The following SUMF1 variants were observed in gnomAD, a reference collection of about 807,000 sequenced individuals.
The protein encoded by SUMF1 is sulfatase modifying factor 1, also known as formylglycine-generating enzyme.
SUMF1 carries 48 observed loss-of-function variants against 47.6 expected under a neutral mutation model. That is an observed-to-expected ratio of 1.01 (90% CI 0.80 to 1.28). The LOEUF (loss-of-function observed/expected upper bound fraction) is 1.28. Ranked by LOEUF, SUMF1 falls within the 50% of genes most tolerant of loss-of-function variation. The pLI is 0.00. For synonymous variants in SUMF1, 230 were observed against 192.1 expected (o/e 1.20, Z -1.63); for missense variants, 571 against 485.4 (o/e 1.18, Z -1.66).
intron 8 of SUMF1, among the ~76,000 whole-genome samples, chr3:4,153,995 T>C (rs1352611295): frequency 6.6e-6 from 1 of 151,512 alleles, no homozygotes; most frequent in Non-Finnish European, 1.5e-5. Flanking sequence ...TTCCTTCAAC[T>C]TGCAAAGAGT....
intron 8 of SUMF1, among the ~76,000 whole-genome samples, chr3:4,099,045 T>C (rs984406893): frequency 1.2e-4 from 18 of 152,038 alleles, no homozygotes; most frequent in African/African-American, 4.4e-4. Context: ...CAAGGCAAAA[T>C]AAAGCCTATT....
At chr3:4,297,788 C>T (rs1254561442) in intron 8 of SUMF1, among the ~76,000 whole-genome samples, 3 of 152,108 alleles carry the variant, frequency 2.0e-5, no homozygotes, top group Non-Finnish European at 4.4e-5. Flanking sequence ...TTCCTCCTTT[C>T]ATCACTGGCT....
chr3:4,071,225 G>A (rs527946776), intron 8 of SUMF1, among the ~76,000 whole-genome samples: 36 of 152,204 alleles, frequency 2.4e-4, no homozygotes, highest in African/African-American at 7.9e-4. Flanking sequence ...AGCTCCCAGC[G>A]AGATCGACAC....
At chr3:4,460,957 A>G (rs1382770232) in intron 1 of SUMF1, among the ~76,000 whole-genome samples, 1 of 151,866 alleles carries the variant, frequency 6.6e-6, no homozygotes, top group African/African-American at 2.4e-5. Context: ...ATCCCACCCA[A>G]AGTATCTTAA....
chr3:4,243,634 G>T (rs533935583), intron 8 of SUMF1, among the ~76,000 whole-genome samples: 1 of 152,292 alleles, frequency 6.6e-6, no homozygotes, highest in South Asian at 2.1e-4. Context: ...GAGAGAGTTT[G>T]TTGTGATTTC....
At chr3:4,312,975 C>T (rs1698473060) in intron 8 of SUMF1, 2 of 1,613,984 alleles carry the variant, frequency 1.2e-6, no homozygotes, top group Non-Finnish European at 1.7e-6. Flanking sequence ...GCATTTGTGT[C>T]AAAACTCCCT....
intron 8 of SUMF1, among the ~76,000 whole-genome samples, chr3:4,110,537 T>C (rs763736070): frequency 2.2e-4 from 33 of 152,118 alleles, no homozygotes; most frequent in African/African-American, 7.5e-4. Flanking sequence ...TAAAGACACA[T>C]GCACACGTAT....
rs545744460 is a variant in SUMF1, at chr3:4,051,105, T to G, written c.1191+17464A>C. Among the ~76,000 whole-genome samples, 3 of 148,098 alleles carry G rather than the reference T, an allele frequency of 2.0e-5. No individual in the cohort carries two copies. The East Asian group carries it at 6.1e-4, about 30-fold the overall frequency. On this transcript the variant is annotated intron_variant and NMD_transcript_variant, in intron 9 of 12. Coordinates refer to the SUMF1 transcript ENST00000448413. ...CAAGTAATTTGAACAGGGCTAAATATACTACATTCTAAGGCAAAAAAAAGA... is the reference window on the plus strand; with the variant it reads ...CAAGTAATTTGAACAGGGCTAAATAGACTACATTCTAAGGCAAAAAAAAGA...
At chr3:4,268,305 G>T (rs548209780) in intron 8 of SUMF1, among the ~76,000 whole-genome samples, 1 of 152,086 alleles carries the variant, frequency 6.6e-6, no homozygotes, top group Non-Finnish European at 1.5e-5. Flanking sequence ...GGCGGGGAGG[G>T]ATAGCATTGG....
At position 4,298,993 on chromosome 3, in the gene SUMF1, G is replaced by A. The variant is rs373708590; in HGVS notation, c.1014+77337C>T. 2.6e-5 allele frequency among the ~76,000 whole-genome samples: 4 copies of A among 152,258 alleles called. No homozygotes were observed. In the South Asian group the frequency reaches 8.3e-4, roughly 32 times the overall value. ...TCATTCATGATCTCCCCTGCTAAAA[G>A]TAATCTTTACCAGTTCTAAAGATCC... On this transcript the variant is annotated intron_variant and NMD_transcript_variant, in intron 8 of 12. Transcript: ENST00000448413.
chr3:4,289,114 C>A (rs1026036683), intron 8 of SUMF1, among the ~76,000 whole-genome samples: 1 of 152,148 alleles, frequency 6.6e-6, no homozygotes, highest in African/African-American at 2.4e-5. Context: ...CCCAGCCAAA[C>A]CAGAACTGAA....
intron 8 of SUMF1, among the ~76,000 whole-genome samples, chr3:4,136,935 C>A (rs1037688672): frequency 1.3e-5 from 2 of 152,090 alleles, no homozygotes; most frequent in Non-Finnish European, 2.9e-5. Context: ...CTATCTCACA[C>A]CAGTTAGAAT....
intron 9 of SUMF1, among the ~76,000 whole-genome samples, chr3:4,052,089 A>C (rs1695122719): frequency 6.6e-6 from 1 of 152,104 alleles, no homozygotes; most frequent in Admixed American, 6.6e-5. Flanking sequence ...ATTGTCTCAT[A>C]GCTCTGGAGG....
chr3:4,360,291 A>C (rs560178935), downstream of SUMF1, among the ~76,000 whole-genome samples: 1 of 149,732 alleles, frequency 6.7e-6, no homozygotes, highest in East Asian at 2.0e-4. Flanking sequence ...AATGAACCAC[A>C]AATGTGGCTA....
Position 4,185,817 on chromosome 3 carries a change from A to C in SUMF1, c.1015-117072T>G, listed in dbSNP as rs1485054162. ...CACATGTGAATTACTGGAATGATAG[A>C]TAATACTGGCTTGAACAAGGATATT... On this transcript the variant is annotated intron_variant and NMD_transcript_variant, in intron 8 of 12. Transcript: ENST00000448413. 1.3e-5 allele frequency among the ~76,000 whole-genome samples: 2 copies of C among 152,316 alleles called. 1 individual carries two copies. The highest frequency in any genetic ancestry group is 4.1e-4 in the South Asian group (2 of 4,820).
chr3:4,426,827 G>A (rs1240359075), intron 3 of SUMF1, among the ~76,000 whole-genome samples: 3 of 152,114 alleles, frequency 2.0e-5, no homozygotes, highest in Non-Finnish European at 4.4e-5. Context: ...CTTATATCCA[G>A]AGGAAAAAGG....
chr3:4,119,100 C>T (rs1693482878), intron 8 of SUMF1, among the ~76,000 whole-genome samples: 1 of 152,112 alleles, frequency 6.6e-6, no homozygotes, highest in South Asian at 2.1e-4. Context: ...TTCATTCCAG[C>T]TAATGGCCTG....
intron 8 of SUMF1, among the ~76,000 whole-genome samples, chr3:4,171,386 A>T (rs1694829475): frequency 6.6e-6 from 1 of 152,126 alleles, no homozygotes; most frequent in Non-Finnish European, 1.5e-5. Context: ...TAACTTTTTG[A>T]GGTGGTGGTT....
chr3:4,193,489 G>A (rs1006972780), intron 8 of SUMF1, among the ~76,000 whole-genome samples: 9 of 152,196 alleles, frequency 5.9e-5, no homozygotes, highest in African/African-American at 2.2e-4. Flanking sequence ...CATTTTAATT[G>A]TGGGCAGTCT....
Sources: allele counts gnomAD v4.1 joint callset (sites outside exome capture counted in the v4.1 genomes callset), GRCh38; gene constraint gnomAD v4.1.1; transcripts MANE v1.5; gene names NCBI Gene and HGNC (gene_info 2026-07-23, HGNC 2026-07-21).